Variants in DCAF10 observed in about 807,000 individuals in gnomAD.
DCAF10 encodes DDB1 and CUL4 associated factor 10.
A neutral mutation model predicts 51.9 loss-of-function variants in DCAF10; 19 were observed. The observed-to-expected ratio is 0.37, with a 90% CI of 0.26 to 0.54. The LOEUF (loss-of-function observed/expected upper bound fraction) is 0.54, where lower values mean the gene tolerates loss of function less well. Ranked by LOEUF, DCAF10 falls within the 20% of genes least tolerant of loss-of-function variation. DCAF10 has a pLI of 0.87. For synonymous variants in DCAF10, 291 were observed against 297.1 expected (o/e 0.98, Z 0.21); for missense variants, 510 against 730.6 (o/e 0.70, Z 3.48).
chr9:37,823,296 A>T (rs1239118669), intron 2 of DCAF10, among the ~76,000 whole-genome samples: 1 of 152,218 alleles, frequency 6.6e-6, no homozygotes, highest in Non-Finnish European at 1.5e-5. Context: ...AATAAAGATA[A>T]ATCTGCATCT....
chr9:37,817,017 C>T (rs867491593), intron 1 of DCAF10, among the ~76,000 whole-genome samples: 1 of 151,970 alleles, frequency 6.6e-6, no homozygotes. Context: ...TATCATAAGC[C>T]TTCTAGAAAT....
chr9:37,826,584 G>A (rs2117897806), intron 2 of DCAF10, among the ~76,000 whole-genome samples: 2 of 152,104 alleles, frequency 1.3e-5, no homozygotes, highest in East Asian at 3.9e-4. Flanking sequence ...TATGTACGTG[G>A]GAGAGCACTG....
Position 37,800,806 on chromosome 9 carries a change from G to A in DCAF10, c.-61G>A. ...GCACGCCGGAAGTGGCAGCTGAACA[G>A]GGGCACTGAGGTGTCGGCCGGCGGG... is the stretch of plus-strand genomic sequence containing the variant. On this transcript the variant is annotated 5_prime_UTR_variant, in exon 1 of 7. Coordinates refer to ENST00000377724, the MANE Select transcript of DCAF10 (RefSeq NM_024345.5). 1 of 1,498,366 alleles carries A rather than the reference G, an allele frequency of 6.7e-7. No homozygotes were observed. Among genetic ancestry groups the A allele is most frequent in the Non-Finnish European group, 8.9e-7 (1 of 1,129,370 alleles). 92.8% of individuals were successfully genotyped at this position (1,498,366 alleles called of 1,614,324 possible).
In DCAF10 at chr9:37,841,552, A is replaced by G. The variant is rs147361619; in HGVS notation, c.654-537A>G. On this transcript the variant is annotated intron_variant, in intron 2 of 6. Transcript: ENST00000377724. ...CCTAATAAAATGTTGCTAAGAGATT[A>G]TTTGGGAAATACCTTTCAGTTAAAA... Among the ~76,000 whole-genome samples the G allele has an allele frequency of 2.1e-3, 322 of 152,342 alleles. 1 individual carries two copies. Among genetic ancestry groups the G allele is most frequent in the African/African-American group, 7.2e-3 (301 of 41,570 alleles).
intron 3 of DCAF10, among the ~76,000 whole-genome samples, chr9:37,850,383 C>T (rs1319879998): frequency 2.0e-5 from 3 of 152,100 alleles, no homozygotes; most frequent in Non-Finnish European, 2.9e-5. Flanking sequence ...TTAACCTAAA[C>T]GTCCATCAAT....
intron 2 of DCAF10, among the ~76,000 whole-genome samples, chr9:37,839,809 G>A (rs1288624113): frequency 1.3e-5 from 2 of 152,074 alleles, no homozygotes; most frequent in Non-Finnish European, 2.9e-5. Flanking sequence ...CAATTATTTC[G>A]TGTAATTATG....
chr9:37,826,642 G>A (rs1829859081), intron 2 of DCAF10, among the ~76,000 whole-genome samples: 1 of 152,182 alleles, frequency 6.6e-6, no homozygotes, highest in African/African-American at 2.4e-5. Flanking sequence ...CAGGTGAAAT[G>A]TGGCAGATGA....
At chr9:37,840,674 T>A (rs952473532) in intron 2 of DCAF10, among the ~76,000 whole-genome samples, 1 of 152,190 alleles carries the variant, frequency 6.6e-6, no homozygotes, top group Non-Finnish European at 1.5e-5. Flanking sequence ...GAAAAATTTT[T>A]AAATTAATTT....
chr9:37,840,057 T>C (rs1830287096), intron 2 of DCAF10, among the ~76,000 whole-genome samples: 1 of 152,112 alleles, frequency 6.6e-6, no homozygotes, highest in Admixed American at 6.6e-5. Flanking sequence ...AGAGAATTGG[T>C]AGGTCTACCA....
chr9:37,853,519 C>T (rs1260876252), intron 3 of DCAF10, among the ~76,000 whole-genome samples: 1 of 151,768 alleles, frequency 6.6e-6, no homozygotes, highest in African/African-American at 2.4e-5. Flanking sequence ...GATTGTTAAG[C>T]ATGTATGTAA....
rs753748989 is a variant in DCAF10, at chr9:37,801,065, C to T, written c.199C>T (p.Arg67Cys). The T allele has an allele frequency of 1.2e-5, 19 of 1,532,134 alleles. No homozygotes were observed. Among genetic ancestry groups the T allele is most frequent in the Non-Finnish European group, 1.6e-5 (18 of 1,147,360 alleles). The allele number at this position is 1,532,134 out of a possible 1,614,324, so 94.9% of individuals were successfully genotyped here. A position where few individuals can be genotyped will look rare whatever the true frequency, so the allele number is the denominator to read the frequency against. Residue 67 changes from arginine (R) to cysteine (C), a missense_variant, in exon 1 of 7, where the codon CGC becomes TGC. This residue lies in a region of DCAF10 where 251 missense variants were observed against 227.9 expected (regional missense o/e 1.10). Coordinates refer to ENST00000377724, the MANE Select transcript of DCAF10 (RefSeq NM_024345.5). This position sits in a 1 kb window ranked among gnomAD's most constrained non-coding sequence, Gnocchi z 5.5. ...PGAPSLSPAP[R>C]SGELGLPGAP... ...CGCCCCATCGCTGTCCCCGGCCCCGCGCTCCGGAGAGCTAGGGCTGCCTGG... is the reference window on the plus strand; with the variant it reads ...CGCCCCATCGCTGTCCCCGGCCCCGTGCTCCGGAGAGCTAGGGCTGCCTGG...
chr9:37,849,790 G>T (rs1167584670), intron 3 of DCAF10, among the ~76,000 whole-genome samples: 2 of 152,152 alleles, frequency 1.3e-5, no homozygotes, highest in African/African-American at 4.8e-5. Flanking sequence ...TGAGGAAGGA[G>T]AATCGCTTGA....
intron 2 of DCAF10, 26 bp from the exon 3 acceptor site, chr9:37,842,063 A>C: frequency 6.3e-7 from 1 of 1,593,772 alleles, no homozygotes; most frequent in Non-Finnish European, 8.5e-7. Context: ...TAAATGAACC[A>C]GGGTTTTGTT....
chr9:37,802,439 A>C (rs1258497915), intron 1 of DCAF10, among the ~76,000 whole-genome samples: 2 of 152,366 alleles, frequency 1.3e-5, no homozygotes, highest in East Asian at 3.9e-4. Flanking sequence ...ATGAGTACGA[A>C]ATAAATTAGT....
At chr9:37,822,672 A>C (rs1446795938) in intron 2 of DCAF10, among the ~76,000 whole-genome samples, 1 of 152,076 alleles carries the variant, frequency 6.6e-6, no homozygotes, top group Non-Finnish European at 1.5e-5. Flanking sequence ...AAAGGACAAA[A>C]GACAACAAAT....
At chr9:37,816,155 A>G (rs1307527973) in intron 1 of DCAF10, among the ~76,000 whole-genome samples, 1 of 152,256 alleles carries the variant, frequency 6.6e-6, no homozygotes, top group East Asian at 1.9e-4. Context: ...GCCCAGGAAT[A>G]AGTTCAACAG....
chr9:37,827,812 G>A (rs1829895911), intron 2 of DCAF10, among the ~76,000 whole-genome samples: 1 of 152,138 alleles, frequency 6.6e-6, no homozygotes, highest in African/African-American at 2.4e-5. Flanking sequence ...CTTACTTTCA[G>A]CAAAAAGGTG....
Position 37,801,617 on chromosome 9 carries a change from T to G in DCAF10, c.539+212T>G, listed in dbSNP as rs1361218513. Among the ~76,000 whole-genome samples the G allele has an allele frequency of 1.3e-5, 2 of 152,172 alleles. No homozygotes were observed. The highest frequency in any genetic ancestry group is 3.9e-4 in the East Asian group (2 of 5,188). On this transcript the variant is annotated intron_variant, in intron 1 of 6. Transcript: ENST00000377724. This position sits in a 1 kb window ranked among gnomAD's most constrained non-coding sequence, Gnocchi z 5.5. The stretch of plus-strand genomic sequence containing the variant: ...TTGAGGCAGGCAGGCGGGGCCCCAC[T>G]TGCTCGCCTTCAGGACTTGGGCTCT...
At chr9:37,833,320 A>G (rs1830059291) in intron 2 of DCAF10, among the ~76,000 whole-genome samples, 1 of 152,242 alleles carries the variant, frequency 6.6e-6, no homozygotes, top group African/African-American at 2.4e-5. Flanking sequence ...TTATCTCCCA[A>G]TAAACCCATT....
Sources: allele counts gnomAD v4.1 joint callset (sites outside exome capture counted in the v4.1 genomes callset), GRCh38; gene constraint gnomAD v4.1.1; regional missense constraint gnomAD v4.1.1; non-coding constraint Gnocchi (gnomAD v3.1); transcripts MANE v1.5; gene names NCBI Gene and HGNC (gene_info 2026-07-23, HGNC 2026-07-21).